The following GSG1L variants were observed in gnomAD, a reference collection of about 807,000 sequenced individuals.
GSG1L encodes germ cell-specific gene 1-like protein.
GSG1L carries 24 observed loss-of-function variants against 42.1 expected under a neutral mutation model. That is an observed-to-expected ratio of 0.57 (90% confidence interval 0.41 to 0.80). The LOEUF (loss-of-function observed/expected upper bound fraction) is 0.80, where lower values mean the gene tolerates loss of function less well. GSG1L is among the 30% of genes least tolerant of loss of function. The pLI is 0.00. For missense variants in GSG1L, 445 were observed against 472.2 expected (o/e 0.94, Z 0.53); for synonymous variants, 215 against 203.5 (o/e 1.06, Z -0.48).
intron 2 of GSG1L, among the ~76,000 whole-genome samples, chr16:27,897,017 T>C (rs902520016): frequency 6.6e-6 from 1 of 152,146 alleles, no homozygotes; most frequent in Non-Finnish European, 1.5e-5. Context: ...GCGTACACCA[T>C]CATGCCTGGC....
chr16:27,849,824 C>T (rs1320846397), intron 3 of GSG1L, among the ~76,000 whole-genome samples: 1 of 151,748 alleles, frequency 6.6e-6, no homozygotes, highest in African/African-American at 2.4e-5. Context: ...CTGTGCCCAG[C>T]CTGGGGCAAG....
chr16:27,992,643 G>A (rs966182120), intron 1 of GSG1L, among the ~76,000 whole-genome samples: 1 of 152,094 alleles, frequency 6.6e-6, no homozygotes, highest in Non-Finnish European at 1.5e-5. Context: ...TGGGCCTCTC[G>A]GCTCCCTCAG....
At chr16:27,821,948 C>G (rs2083155370) in intron 5 of GSG1L, among the ~76,000 whole-genome samples, 1 of 151,298 alleles carries the variant, frequency 6.6e-6, no homozygotes, top group South Asian at 2.1e-4. Context: ...ATTTTGAAAC[C>G]ACCATGCAAG....
intron 6 of GSG1L, among the ~76,000 whole-genome samples, chr16:27,794,819 T>A (rs2082800187): frequency 6.6e-6 from 1 of 152,144 alleles, no homozygotes; most frequent in Non-Finnish European, 1.5e-5. Flanking sequence ...TTCCATGGCT[T>A]TGCATAGGCT....
chr16:27,943,566 C>CTTTTTTTTTTTTTTTTTT (rs11385465), intron 2 of GSG1L, among the ~76,000 whole-genome samples: 1 of 67,720 alleles, frequency 1.5e-5, no homozygotes, highest in African/African-American at 5.9e-5. Flanking sequence ...TTCTTTGTTT[C>CTTTTTTTTTTTTTTTTTT]TTTTTTTTTT....
At chr16:28,001,978 A>C (rs977932167) in intron 1 of GSG1L, among the ~76,000 whole-genome samples, 1 of 152,142 alleles carries the variant, frequency 6.6e-6, no homozygotes, top group African/African-American at 2.4e-5. Context: ...TCTTCCAGCA[A>C]ACCTGGCCAA....
At chr16:28,020,777 AG>A (rs772657337) in intron 1 of GSG1L, among the ~76,000 whole-genome samples, 1 of 152,190 alleles carries the variant, frequency 6.6e-6, no homozygotes, top group Non-Finnish European at 1.5e-5. Context: ...CCATGTTGTG[AG>A]GACGCTCAAG....
At chr16:28,023,066 C>G (rs529322141) in intron 1 of GSG1L, among the ~76,000 whole-genome samples, 2 of 152,206 alleles carry the variant, frequency 1.3e-5, no homozygotes, top group Admixed American at 1.3e-4. Flanking sequence ...TGGCATCAAG[C>G]GATCCTCCCA....
At chr16:28,048,290 T>G (rs2086186461) in intron 1 of GSG1L, among the ~76,000 whole-genome samples, 1 of 152,066 alleles carries the variant, frequency 6.6e-6, no homozygotes, top group East Asian at 1.9e-4. Flanking sequence ...TGCTTTAAAC[T>G]GCACACAGGG....
intron 2 of GSG1L, among the ~76,000 whole-genome samples, chr16:27,907,426 C>T (rs996523755): frequency 6.6e-6 from 1 of 152,208 alleles, no homozygotes; most frequent in Non-Finnish European, 1.5e-5. Flanking sequence ...TAGGCTTTTG[C>T]CTTCCTTGAC....
chr16:27,881,636 G>A (rs1372784871), intron 3 of GSG1L, among the ~76,000 whole-genome samples: 1 of 152,122 alleles, frequency 6.6e-6, no homozygotes, highest in Non-Finnish European at 1.5e-5. Context: ...TATGTCATGG[G>A]TCTCATCCCC....
At chr16:27,865,509 T>TTC (rs765815564) in intron 3 of GSG1L, among the ~76,000 whole-genome samples, 7 of 120,790 alleles carry the variant, frequency 5.8e-5, no homozygotes, top group Non-Finnish European at 1.0e-4. Context: ...GCTTCTTTCT[T>TTC]TCTCTCTCTC....
chr16:28,037,631 A>G (rs1390344133), intron 1 of GSG1L, among the ~76,000 whole-genome samples: 1 of 152,240 alleles, frequency 6.6e-6, no homozygotes, highest in Non-Finnish European at 1.5e-5. Context: ...GATACAAAAT[A>G]ACAATAACAA....
chr16:28,037,000 C>T (rs1195348417), intron 1 of GSG1L, among the ~76,000 whole-genome samples: 1 of 152,144 alleles, frequency 6.6e-6, no homozygotes, highest in African/African-American at 2.4e-5. Context: ...ACAACTTTAT[C>T]TTTGGTTGTT....
At chr16:28,022,637 A>T (rs962731612) in intron 1 of GSG1L, among the ~76,000 whole-genome samples, 3 of 151,276 alleles carry the variant, frequency 2.0e-5, no homozygotes, top group Admixed American at 6.6e-5. Context: ...ACGCCCAGCT[A>T]ATTTTTGTAT....
Position 27,818,459 on chromosome 16 carries a change from G to T in GSG1L, c.830+10330C>A, listed in dbSNP as rs550970062. Reference sequence around the variant, plus strand: ...GCCATCTCCAGTTTCTGGGCATCGCGTTCCTCTCAAGAATGAACGGCGATT... The same window carrying T: ...GCCATCTCCAGTTTCTGGGCATCGCTTTCCTCTCAAGAATGAACGGCGATT... On this transcript the variant is annotated intron_variant, in intron 5 of 6. Transcript: ENST00000447459. Among the ~76,000 whole-genome samples, 13 of 152,170 alleles carry T rather than the reference G, an allele frequency of 8.5e-5. No individual in the cohort carries two copies. The East Asian group carries it at 2.5e-3, about 29-fold the overall frequency.
intron 1 of GSG1L, among the ~76,000 whole-genome samples, chr16:28,045,832 C>T (rs1420335713): frequency 6.6e-6 from 1 of 151,996 alleles, no homozygotes. Flanking sequence ...TCCACCTCTA[C>T]TCAAAACACA....
chr16:27,923,687 T>C (rs1160299663), intron 2 of GSG1L, among the ~76,000 whole-genome samples: 3 of 146,814 alleles, frequency 2.0e-5, no homozygotes, highest in Non-Finnish European at 3.0e-5. Context: ...GGTTGCAAGA[T>C]TGAGCCACTG....
intron 2 of GSG1L, among the ~76,000 whole-genome samples, chr16:27,906,012 G>T (rs886278356): frequency 8.6e-5 from 13 of 151,924 alleles, no homozygotes; most frequent in African/African-American, 2.9e-4. Flanking sequence ...AATATAAATG[G>T]CATTTCCTTT....
Sources: allele counts gnomAD v4.1 joint callset (sites outside exome capture counted in the v4.1 genomes callset), GRCh38; gene constraint gnomAD v4.1.1; transcripts MANE v1.5; gene names NCBI Gene and HGNC (gene_info 2026-07-23, HGNC 2026-07-21).